Variants in RSRC1 observed in about 807,000 individuals in gnomAD.
RSRC1 encodes the protein arginine and serine rich coiled-coil 1, also known as serine/Arginine-related protein 53.
A neutral mutation model predicts 49.1 loss-of-function variants in RSRC1; 39 were observed. That is an observed-to-expected ratio of 0.79 (90% confidence interval 0.61 to 1.04). RSRC1 has a LOEUF of 1.04. RSRC1 is among the 50% of genes least tolerant of loss of function. RSRC1 has a pLI of 0.00. For synonymous variants in RSRC1, 143 were observed against 130.8 expected (o/e 1.09, Z -0.63); for missense variants, 388 against 402.4 (o/e 0.96, Z 0.31).
At chr3:158,456,192 T>G (rs1245685907) in intron 6 of RSRC1, among the ~76,000 whole-genome samples, 1 of 151,950 alleles carries the variant, frequency 6.6e-6, no homozygotes, top group Non-Finnish European at 1.5e-5. Flanking sequence ...ATGCAAGTCA[T>G]GAGGAACGCA....
At chr3:158,360,571 C>T (rs539982235) in intron 6 of RSRC1, among the ~76,000 whole-genome samples, 6 of 152,344 alleles carry the variant, frequency 3.9e-5, no homozygotes, top group South Asian at 4.1e-4. Context: ...CAGCTTCAGC[C>T]GTAACTTGTG....
intron 7 of RSRC1, among the ~76,000 whole-genome samples, chr3:158,473,221 T>C (rs1738213940): frequency 6.6e-6 from 1 of 152,174 alleles, no homozygotes; most frequent in African/African-American, 2.4e-5. Flanking sequence ...CACGTATGTT[T>C]ATCGCGGCAC....
intron 3 of RSRC1, among the ~76,000 whole-genome samples, chr3:158,144,403 C>A (rs887804425): frequency 6.6e-6 from 1 of 151,770 alleles, no homozygotes; most frequent in Non-Finnish European, 1.5e-5. Flanking sequence ...TTTGTCCTTG[C>A]GATAGTTTGC....
At chr3:158,394,588 A>G (rs1478476718) in intron 6 of RSRC1, among the ~76,000 whole-genome samples, 2 of 152,142 alleles carry the variant, frequency 1.3e-5, no homozygotes, top group African/African-American at 4.8e-5. Flanking sequence ...TCCATTCACA[A>G]TAGACACAAA....
intron 6 of RSRC1, among the ~76,000 whole-genome samples, chr3:158,412,363 T>A (rs1302210913): frequency 6.6e-6 from 1 of 152,180 alleles, no homozygotes; most frequent in Admixed American, 6.6e-5. Context: ...AAAAATAGTT[T>A]AAATGATTAT....
intron 4 of RSRC1, among the ~76,000 whole-genome samples, chr3:158,209,187 C>A (rs1721518897): frequency 6.6e-6 from 1 of 152,122 alleles, no homozygotes; most frequent in Non-Finnish European, 1.5e-5. Flanking sequence ...AAACTTGATC[C>A]AAATTGCGGC....
At chr3:158,120,224 A>G (rs986371624) in intron 1 of RSRC1, among the ~76,000 whole-genome samples, 17 of 152,316 alleles carry the variant, frequency 1.1e-4, no homozygotes, top group African/African-American at 3.8e-4. Flanking sequence ...TAGATATGTA[A>G]GTGATTTACT....
chr3:158,411,717 G>A (rs781709406), intron 6 of RSRC1, among the ~76,000 whole-genome samples: 1 of 151,764 alleles, frequency 6.6e-6, no homozygotes, highest in Non-Finnish European at 1.5e-5. Context: ...TTACCAAAAT[G>A]GTTTACCAGC....
intron 4 of RSRC1, chr3:158,276,165 T>A (rs778137454): frequency 5.5e-6 from 5 of 908,472 alleles, no homozygotes; most frequent in African/African-American, 4.9e-5. Flanking sequence ...AACACCATGA[T>A]GGACAGGCTT....
chr3:158,315,207 G>A (rs557839799), intron 5 of RSRC1, among the ~76,000 whole-genome samples: 30 of 152,108 alleles, frequency 2.0e-4, no homozygotes, highest in Admixed American at 1.2e-3. Context: ...TACATGGATG[G>A]ATGGTTGGAG....
At chr3:158,148,177 A>G (rs1418602010) in intron 3 of RSRC1, among the ~76,000 whole-genome samples, 2 of 152,262 alleles carry the variant, frequency 1.3e-5, no homozygotes, top group South Asian at 2.1e-4. Flanking sequence ...TATGCTTCCT[A>G]TGTATTTCCC....
At chr3:158,379,839 C>G (rs889740809) in intron 6 of RSRC1, among the ~76,000 whole-genome samples, 5 of 151,756 alleles carry the variant, frequency 3.3e-5, no homozygotes, top group African/African-American at 1.2e-4. Context: ...CACACACACC[C>G]TCCCTCCCTC....
chr3:158,468,155 G>A (rs916490921), intron 7 of RSRC1, among the ~76,000 whole-genome samples: 2 of 152,108 alleles, frequency 1.3e-5, no homozygotes, highest in Non-Finnish European at 2.9e-5. Flanking sequence ...GGTTGGTCTC[G>A]ATCTCCTGAC....
intron 3 of RSRC1, among the ~76,000 whole-genome samples, chr3:158,139,010 T>C (rs994463561): frequency 8.5e-5 from 13 of 152,332 alleles, no homozygotes; most frequent in Admixed American, 3.3e-4. Flanking sequence ...TAAATCTGTT[T>C]CTTAAAAGAT....
At chr3:158,461,402 A>G (rs919556249) in intron 7 of RSRC1, among the ~76,000 whole-genome samples, 2 of 151,912 alleles carry the variant, frequency 1.3e-5, no homozygotes, top group African/African-American at 4.8e-5. Flanking sequence ...TTGAGAGAAC[A>G]TTGAAATTCA....
chr3:158,318,852 T>C (rs1056775611), intron 5 of RSRC1, among the ~76,000 whole-genome samples: 1 of 152,208 alleles, frequency 6.6e-6, no homozygotes, highest in East Asian at 1.9e-4. Flanking sequence ...AAGAAGATTA[T>C]AGTGAAAGTA....
At chr3:158,258,338 G>C (rs1439685991) in intron 4 of RSRC1, among the ~76,000 whole-genome samples, 2 of 136,288 alleles carry the variant, frequency 1.5e-5, no homozygotes, top group African/African-American at 5.4e-5. Flanking sequence ...TAGGATAAAA[G>C]TTTTTTTTTT....
chr3:158,300,577 G>T (rs1727487701), intron 5 of RSRC1, among the ~76,000 whole-genome samples: 1 of 152,122 alleles, frequency 6.6e-6, no homozygotes, highest in African/African-American at 2.4e-5. Context: ...ATTGTTTAGA[G>T]CCTTCTAGCA....
chr3:158,216,745 T>A (rs953511635), intron 4 of RSRC1, among the ~76,000 whole-genome samples: 1 of 151,702 alleles, frequency 6.6e-6, no homozygotes, highest in African/African-American at 2.4e-5. Flanking sequence ...ATCTCCCACA[T>A]ACCTGAGCGT....
Sources: gnomAD v4.1 joint callset for allele counts (sites outside exome capture counted in the v4.1 genomes callset) on GRCh38, gnomAD v4.1.1 for gene constraint, MANE v1.5 for transcripts, NCBI Gene and HGNC (gene_info 2026-07-23, HGNC 2026-07-21) for gene names.